Variants in AGPS observed in about 807,000 individuals in gnomAD.
The protein encoded by AGPS is alkyldihydroxyacetonephosphate synthase, peroxisomal.
In AGPS, 26 loss-of-function variants were observed where a neutral mutation model predicts 90.7. The observed-to-expected ratio is 0.29, with a 90% confidence interval of 0.21 to 0.40. The LOEUF (loss-of-function observed/expected upper bound fraction) is 0.40, where lower values mean the gene tolerates loss of function less well. Ranked by LOEUF, AGPS falls within the 10% of genes least tolerant of loss-of-function variation. The probability of loss-of-function intolerance (pLI) is 1.00; values close to 1 mark genes in which losing one functional copy is unlikely to be tolerated. For synonymous variants in AGPS, 294 were observed against 285.3 expected (o/e 1.03, Z -0.31); for missense variants, 540 against 816.1 (o/e 0.66, Z 4.12).
At chr2:177,407,636 C>T (rs1401737873) in intron 1 of AGPS, among the ~76,000 whole-genome samples, 1 of 152,092 alleles carries the variant, frequency 6.6e-6, no homozygotes, top group Non-Finnish European at 1.5e-5. Context: ...ACACTTCCCA[C>T]CAGGCCCTAC....
chr2:177,482,287 ATCTTC>A, intron 11 of AGPS, 101 bp downstream of exon 11: 3 of 646,382 alleles, frequency 4.6e-6, no homozygotes, highest in Non-Finnish European at 7.2e-6. Flanking sequence ...GTTACAACTA[ATCTTC>A]ATTTTTAGTT....
intron 1 of AGPS, among the ~76,000 whole-genome samples, chr2:177,400,162 C>A (rs992073743): frequency 6.6e-6 from 1 of 152,084 alleles, no homozygotes; most frequent in Admixed American, 6.5e-5. Flanking sequence ...TTAAGTACAT[C>A]AATTGTTTGA....
At chr2:177,506,374 T>C (rs1048843691) in intron 15 of AGPS, among the ~76,000 whole-genome samples, 19 of 151,814 alleles carry the variant, frequency 1.3e-4, no homozygotes, top group African/African-American at 4.3e-4. Context: ...ACATAATAAA[T>C]ATACATATTT....
At chr2:177,523,186 A>G (rs1689250056) in intron 18 of AGPS, among the ~76,000 whole-genome samples, 1 of 152,234 alleles carries the variant, frequency 6.6e-6, no homozygotes, top group Admixed American at 6.5e-5. Context: ...AATAGGTTTA[A>G]TAAAGACTCT....
rs867514732 is a variant in AGPS, at chr2:177,540,565, A to T, written c.*2370A>T. ...TGAGTTCATGAATATGCACAGAAGC[A>T]CTTAAACCATGCCTCTTATTTCTAT... On this transcript the variant is annotated 3_prime_UTR_variant, in exon 20 of 20. Transcript: ENST00000264167. 4 of 152,004 alleles carry T rather than the reference A, an allele frequency of 2.6e-5. No individual in the cohort carries two copies. Among genetic ancestry groups the T allele is most frequent in the African/African-American group, 9.7e-5 (4 of 41,392 alleles). 9.4% of individuals were successfully genotyped at this position (152,004 alleles called of 1,614,324 possible).
intron 1 of AGPS, among the ~76,000 whole-genome samples, chr2:177,418,098 A>T (rs1395277708): frequency 2.0e-5 from 3 of 152,256 alleles, no homozygotes; most frequent in African/African-American, 7.2e-5. Flanking sequence ...GAAGACTCCA[A>T]AAGTTGATAT....
intron 1 of AGPS, 180 bp downstream of exon 1, chr2:177,393,229 A>G (rs1365640291): frequency 5.1e-5 from 50 of 985,116 alleles, no homozygotes; most frequent in Non-Finnish European, 5.9e-5. Flanking sequence ...TTCTGTCAGG[A>G]AGGGGGCGGG....
intron 11 of AGPS, among the ~76,000 whole-genome samples, chr2:177,485,651 T>G (rs1027949523): frequency 6.6e-6 from 1 of 152,184 alleles, no homozygotes; most frequent in Non-Finnish European, 1.5e-5. Flanking sequence ...GTGCGGTGGC[T>G]CACATCTGTA....
At chr2:177,487,687 C>G (rs1456415693) in intron 11 of AGPS, among the ~76,000 whole-genome samples, 1 of 152,008 alleles carries the variant, frequency 6.6e-6, no homozygotes, top group Non-Finnish European at 1.5e-5. Flanking sequence ...TATTTTAAAT[C>G]ATTTTTTTTG....
rs192960897 is a variant in AGPS at position 177,425,513 on chromosome 2, C to T, written c.350+5155C>T. Among the ~76,000 whole-genome samples the T allele has an allele frequency of 4.1e-3, 612 of 149,598 alleles. 5 individuals are homozygous for T. The highest frequency in any genetic ancestry group is 0.034 in the East Asian group (167 of 4,978). On this transcript the variant is annotated intron_variant, in intron 2 of 19. Coordinates refer to ENST00000264167, the MANE Select transcript of AGPS (RefSeq NM_003659.4). ...GCGCATGCCTATAATCCCAGCTACT[C>T]ATGAGGCTGAGGCAGGAGACTCGCT...
chr2:177,509,729 A>G (rs1468323651), intron 16 of AGPS, among the ~76,000 whole-genome samples: 1 of 151,602 alleles, frequency 6.6e-6, no homozygotes, highest in Non-Finnish European at 1.5e-5. Flanking sequence ...TCTTTTTTTT[A>G]GTATGAAATT....
chr2:177,480,012 C>A (rs1376060875), intron 10 of AGPS, among the ~76,000 whole-genome samples: 2 of 152,086 alleles, frequency 1.3e-5, no homozygotes, highest in Non-Finnish European at 2.9e-5. Context: ...GAAACCCCGT[C>A]TCTACTAAAA....
intron 8 of AGPS, among the ~76,000 whole-genome samples, chr2:177,448,443 T>G (rs1174254036): frequency 6.6e-6 from 1 of 152,208 alleles, no homozygotes; most frequent in East Asian, 1.9e-4. Flanking sequence ...TTTGCTGAAC[T>G]GATATAGCCA....
At position 177,478,098 on chromosome 2, in the gene AGPS, G is replaced by A. The variant is rs569511006; in HGVS notation, c.1106-3961G>A. ...ATGTCTTTATTTTGTTTTCATTTTC[G>A]AAAGATAACTGCTGGATGTAGGATT... On this transcript the variant is annotated intron_variant, in intron 10 of 19. Coordinates refer to ENST00000264167, the MANE Select transcript of AGPS (RefSeq NM_003659.4). Among the ~76,000 whole-genome samples, 19 of 152,138 alleles carry A rather than the reference G, an allele frequency of 1.2e-4. No homozygotes were observed. The East Asian group carries it at 1.5e-3, about 12-fold the overall frequency.
At chr2:177,470,457 A>G (rs868495944) in intron 10 of AGPS, among the ~76,000 whole-genome samples, 2 of 152,154 alleles carry the variant, frequency 1.3e-5, no homozygotes, top group Non-Finnish European at 2.9e-5. Context: ...TAATCCCAGC[A>G]CTTTGCAAGG....
At chr2:177,415,341 A>G (rs1046145107) in intron 1 of AGPS, among the ~76,000 whole-genome samples, 1 of 152,200 alleles carries the variant, frequency 6.6e-6, no homozygotes, top group Non-Finnish European at 1.5e-5. Context: ...TAGAATTGGC[A>G]TTACCTATGA....
intron 15 of AGPS, among the ~76,000 whole-genome samples, 168 bp from the exon 16 acceptor site, chr2:177,507,802 C>T (rs1168120569): frequency 1.3e-5 from 2 of 152,206 alleles, no homozygotes; most frequent in Admixed American, 1.3e-4. Flanking sequence ...GAGGCTGCAT[C>T]TCACTCCAGG....
At chr2:177,443,655 G>A (rs1482467061) in intron 7 of AGPS, among the ~76,000 whole-genome samples, 1 of 152,194 alleles carries the variant, frequency 6.6e-6, no homozygotes, top group Non-Finnish European at 1.5e-5. Context: ...TTTTAGTGAT[G>A]CTAAAATTGA....
intron 2 of AGPS, among the ~76,000 whole-genome samples, chr2:177,433,823 C>T (rs1385274002): frequency 6.6e-6 from 1 of 151,862 alleles, no homozygotes; most frequent in Non-Finnish European, 1.5e-5. Flanking sequence ...AGTATGTATT[C>T]TATACATGCT....
Sources: allele counts gnomAD v4.1 joint callset (sites outside exome capture counted in the v4.1 genomes callset), GRCh38; gene constraint gnomAD v4.1.1; transcripts MANE v1.5; gene names NCBI Gene and HGNC (gene_info 2026-07-23, HGNC 2026-07-21).